PTPRK: variants seen among roughly 807,000 people sequenced by gnomAD.
PTPRK encodes receptor-type tyrosine-protein phosphatase kappa.
A neutral mutation model predicts 178.0 loss-of-function variants in PTPRK; 75 were observed. The ratio of observed to expected loss-of-function variants is 0.42; its 90% CI spans 0.35 to 0.51. PTPRK has a LOEUF of 0.51. PTPRK is among the 20% of genes least tolerant of loss of function. The pLI, the probability that PTPRK is intolerant of heterozygous loss-of-function variation, is 0.02. For missense variants in PTPRK, 1,441 were observed against 1,797.8 expected (o/e 0.80, Z 3.59); for synonymous variants, 637 against 620.6 (o/e 1.03, Z -0.39).
chr6:127,990,969 T>TGG, intron 20 of PTPRK, 84 bp from the exon 21 acceptor site: 1 of 814,774 alleles, frequency 1.2e-6, no homozygotes, highest in Non-Finnish European at 2.0e-6. Context: ...AATAACTCCT[T>TGG]GTCACAATTA....
intron 1 of PTPRK, among the ~76,000 whole-genome samples, chr6:128,467,992 C>G (rs1290053047): frequency 6.6e-6 from 1 of 152,214 alleles, no homozygotes; most frequent in East Asian, 1.9e-4. Context: ...CCTTTGCCCT[C>G]TACACCTATA....
At chr6:128,322,864 T>C (rs1007900062) in intron 2 of PTPRK, among the ~76,000 whole-genome samples, 3 of 152,076 alleles carry the variant, frequency 2.0e-5, no homozygotes, top group Admixed American at 6.6e-5. Flanking sequence ...ATTTGTAACA[T>C]ACTAACTTTG....
chr6:127,982,293 G>T (rs1482676781), intron 24 of PTPRK, among the ~76,000 whole-genome samples: 1 of 151,456 alleles, frequency 6.6e-6, no homozygotes, highest in East Asian at 1.9e-4. Flanking sequence ...TTTTTTCTGA[G>T]ACGGAGTCTC....
intron 7 of PTPRK, among the ~76,000 whole-genome samples, chr6:128,136,306 T>A (rs1048920335): frequency 5.3e-5 from 8 of 152,142 alleles, no homozygotes; most frequent in Non-Finnish European, 1.2e-4. Flanking sequence ...TATCAAAAAA[T>A]GAAGAAATAA....
intron 1 of PTPRK, among the ~76,000 whole-genome samples, chr6:128,445,139 G>A (rs971412988): frequency 7.0e-6 from 1 of 142,444 alleles, no homozygotes; most frequent in Admixed American, 6.9e-5. Flanking sequence ...AGGAAAGCTT[G>A]AGCCCAGGAG....
intron 3 of PTPRK, among the ~76,000 whole-genome samples, chr6:128,250,889 C>G (rs538162270): frequency 1.3e-5 from 2 of 152,316 alleles, no homozygotes; most frequent in East Asian, 3.9e-4. Flanking sequence ...CAGTTACTGT[C>G]ACTCACTGTA....
At chr6:128,493,865 AACTC>A (rs1480780506) in intron 1 of PTPRK, among the ~76,000 whole-genome samples, 1 of 152,188 alleles carries the variant, frequency 6.6e-6, no homozygotes, top group Non-Finnish European at 1.5e-5. Context: ...TACAGCCAGT[AACTC>A]TGTCATCTGC....
chr6:127,971,939 G>A (rs937908495), intron 29 of PTPRK, among the ~76,000 whole-genome samples: 2 of 152,104 alleles, frequency 1.3e-5, no homozygotes, highest in Non-Finnish European at 2.9e-5. Flanking sequence ...AAATCCCTCC[G>A]ATTCATCCCC....
At chr6:128,479,508 T>C (rs1258382093) in intron 1 of PTPRK, among the ~76,000 whole-genome samples, 1 of 152,146 alleles carries the variant, frequency 6.6e-6, no homozygotes, top group African/African-American at 2.4e-5. Flanking sequence ...GACACCAAGC[T>C]GGCATAGGGC....
intron 2 of PTPRK, among the ~76,000 whole-genome samples, chr6:128,352,590 A>G (rs1475444010): frequency 6.6e-6 from 1 of 152,034 alleles, no homozygotes; most frequent in African/African-American, 2.4e-5. Context: ...TATTTCCTCT[A>G]AAGTGCCACG....
intron 3 of PTPRK, among the ~76,000 whole-genome samples, chr6:128,290,119 TG>T (rs1209067124): frequency 4.6e-5 from 7 of 152,142 alleles, no homozygotes; most frequent in African/African-American, 1.7e-4. Flanking sequence ...CTTGTTCAGA[TG>T]CGCTTCTTTG....
intron 2 of PTPRK, among the ~76,000 whole-genome samples, chr6:128,323,240 C>T (rs970851505): frequency 2.0e-5 from 3 of 152,038 alleles, no homozygotes; most frequent in Non-Finnish European, 1.5e-5. Flanking sequence ...ACTTGAACAA[C>T]GGGCTGCTGC....
intron 7 of PTPRK, among the ~76,000 whole-genome samples, chr6:128,131,826 T>A (rs1794287403): frequency 6.6e-6 from 1 of 152,214 alleles, no homozygotes; most frequent in South Asian, 2.1e-4. Context: ...ATGAATGCTG[T>A]GATAATGTCT....
At chr6:128,177,014 T>A (rs1160454067) in intron 7 of PTPRK, among the ~76,000 whole-genome samples, 2 of 151,494 alleles carry the variant, frequency 1.3e-5, no homozygotes, top group Non-Finnish European at 3.0e-5. Context: ...ACAAAAGATA[T>A]GAATAGGGTG....
chr6:127,997,078 ACTT>A, intron 16 of PTPRK, 90 bp from the exon 17 acceptor site: 1 of 1,330,784 alleles, frequency 7.5e-7, no homozygotes, highest in East Asian at 2.5e-5. Context: ...AGTAAAAACC[ACTT>A]TCTCAGAGAG....
intron 1 of PTPRK, among the ~76,000 whole-genome samples, chr6:128,407,346 G>C (rs573328086): frequency 6.6e-6 from 1 of 152,244 alleles, no homozygotes; most frequent in East Asian, 1.9e-4. Context: ...ATCAGAGTTA[G>C]ATGATTGGGG....
At chr6:128,419,043 T>C (rs990269736) in intron 1 of PTPRK, among the ~76,000 whole-genome samples, 1 of 152,210 alleles carries the variant, frequency 6.6e-6, no homozygotes, top group Admixed American at 6.5e-5. Flanking sequence ...CCTCCAAATG[T>C]CTACAAAGAA....
At chr6:128,255,572 A>C (rs1237039251) in intron 3 of PTPRK, among the ~76,000 whole-genome samples, 1 of 152,260 alleles carries the variant, frequency 6.6e-6, no homozygotes, top group Non-Finnish European at 1.5e-5. Flanking sequence ...AGACATCAGG[A>C]GATATTTAAC....
chr6:128,518,396 A>G (rs2128447191), intron 1 of PTPRK, among the ~76,000 whole-genome samples: 1 of 152,350 alleles, frequency 6.6e-6, no homozygotes, highest in Middle Eastern at 3.4e-3. Context: ...TTTATTTGTT[A>G]ATTAAAGGGT....
Sources: allele counts gnomAD v4.1 joint callset (sites outside exome capture counted in the v4.1 genomes callset), GRCh38; gene constraint gnomAD v4.1.1; transcripts MANE v1.5; gene names NCBI Gene and HGNC (gene_info 2026-07-23, HGNC 2026-07-21).